ABCA9: variants seen among roughly 807,000 people sequenced by gnomAD.
ABCA9 encodes the protein ATP-binding cassette sub-family A member 9.
Under a neutral mutation model 205.3 loss-of-function variants are expected in ABCA9, and 183 were observed. The observed-to-expected ratio is 0.89, with a 90% confidence interval of 0.79 to 1.01. The LOEUF is 1.01. Ranked by LOEUF, ABCA9 falls within the 50% of genes least tolerant of loss-of-function variation. The pLI is 0.00. For missense variants in ABCA9, 1,805 were observed against 1,912.4 expected, an observed-to-expected ratio of 0.94 and a Z score of 1.05; for synonymous variants, 651 against 683.3, an observed-to-expected ratio of 0.95 and a Z score of 0.74.
intron 3 of ABCA9, 125 bp downstream of exon 3, chr17:69,049,158 A>T: frequency 1.9e-6 from 2 of 1,075,256 alleles, no homozygotes; most frequent in Non-Finnish European, 2.6e-6. Flanking sequence ...TGGAAGGAAT[A>T]TACGTTAATG....
chr17:69,020,629 A>G (rs767853933), intron 18 of ABCA9, 43 bp from the exon 19 acceptor site: 1 of 1,572,408 alleles, frequency 6.4e-7, no homozygotes, highest in South Asian at 1.1e-5. Context: ...CATTTTAGTT[A>G]TGCATTATTT....
intron 25 of ABCA9, among the ~76,000 whole-genome samples, chr17:69,003,339 C>T (rs2069964174): frequency 6.6e-6 from 1 of 150,608 alleles, no homozygotes; most frequent in African/African-American, 2.5e-5. Context: ...TCAGCATTTG[C>T]TTGTCTGTAA....
At chr17:69,018,323 GTTTA>G (rs2070701082) in intron 20 of ABCA9, 86 bp downstream of exon 20, 1 of 1,201,310 alleles carries the variant, frequency 8.3e-7, no homozygotes, top group Non-Finnish European at 1.1e-6. Context: ...AACATACAGA[GTTTA>G]TTTTTTTCTT....
chr17:69,040,995 T>C (rs2071517488), intron 6 of ABCA9, among the ~76,000 whole-genome samples: 2 of 152,208 alleles, frequency 1.3e-5, no homozygotes, highest in South Asian at 2.1e-4. Flanking sequence ...TGTAACTATA[T>C]AATCCTGAGA....
chr17:69,016,123 T>TATATACAC (rs1270372994), intron 22 of ABCA9, 130 bp downstream of exon 22: 60 of 106,916 alleles, frequency 5.6e-4, no homozygotes, highest in African/African-American at 1.2e-3. Context: ...TATATATATA[T>TATATACAC]ACACACACAC....
intron 5 of ABCA9, 100 bp from the exon 6 acceptor site, chr17:69,043,815 T>C: frequency 4.8e-6 from 5 of 1,033,730 alleles, no homozygotes; most frequent in Non-Finnish European, 7.0e-6. Context: ...TCTACATTTA[T>C]GTATTTTATG....
At chr17:69,071,270 T>G in the ABCA9 span, among the ~76,000 whole-genome samples, 1 of 152,118 alleles carries the variant, frequency 6.6e-6, no homozygotes, top group Non-Finnish European at 1.5e-5. Context: ...CTCAAGTGAG[T>G]CCCTGACCCC....
the ABCA9 span, among the ~76,000 whole-genome samples, chr17:69,072,158 T>C: frequency 9.2e-5 from 14 of 152,106 alleles, no homozygotes; most frequent in Admixed American, 1.3e-4. Context: ...TGGAACCAAG[T>C]TGGGAAACAC....
intron 23 of ABCA9, among the ~76,000 whole-genome samples, chr17:69,009,428 TG>T (rs2070288401): frequency 6.6e-6 from 1 of 152,110 alleles, no homozygotes; most frequent in Non-Finnish European, 1.5e-5. Context: ...GCTGATGTTC[TG>T]GGAAGCTAGA....
intron 25 of ABCA9, among the ~76,000 whole-genome samples, chr17:68,997,896 A>G (rs1017377172): frequency 6.6e-6 from 1 of 152,176 alleles, no homozygotes. Context: ...ATCCACCATT[A>G]TAGTATCATA....
At chr17:69,078,310 C>T in the ABCA9 span, among the ~76,000 whole-genome samples, 2 of 151,362 alleles carry the variant, frequency 1.3e-5, no homozygotes, top group African/African-American at 4.8e-5. Flanking sequence ...AAGCAATTCT[C>T]CTCCCTCAGC....
chr17:69,008,053 G>A lies in ABCA9; in HGVS notation c.3321+9C>T. 1 of 1,594,560 alleles carries A rather than the reference G, an allele frequency of 6.3e-7. No individual in the cohort carries two copies. The highest frequency in any genetic ancestry group is 8.6e-7 in the Non-Finnish European group (1 of 1,167,840). ...CTAATAAAACCATTTCAAAATTGCTGCCACTTACTTGAATTAACAGGTTTT... is the reference window on the plus strand; with the variant it reads ...CTAATAAAACCATTTCAAAATTGCTACCACTTACTTGAATTAACAGGTTTT... On this transcript the variant is annotated intron_variant, in intron 24 of 38. Transcript: ENST00000340001.
At chr17:69,069,933 CA>C in the ABCA9 span, among the ~76,000 whole-genome samples, 1 of 152,008 alleles carries the variant, frequency 6.6e-6, no homozygotes, top group Non-Finnish European at 1.5e-5. Flanking sequence ...TATAGTTTAT[CA>C]AAAACACAAG....
intron 31 of ABCA9, among the ~76,000 whole-genome samples, chr17:68,988,388 T>A (rs2069320948): frequency 6.6e-6 from 1 of 152,206 alleles, no homozygotes; most frequent in Non-Finnish European, 1.5e-5. Context: ...AAATCCTGGA[T>A]CTTTTACCAT....
Position 69,012,095 on chromosome 17 carries a change from T to C in ABCA9, c.3040-12A>G, listed in dbSNP as rs566001154. ...TAATCCATATGCTCCTGAAATCATG[T>C]GGAACATGGTGAGCTGATGGCGATT... is the stretch of plus-strand genomic sequence containing the variant. On this transcript the variant is annotated splice_polypyrimidine_tract_variant and intron_variant, in intron 22 of 38. Coordinates refer to ENST00000340001, the MANE Select transcript of ABCA9 (RefSeq NM_080283.4). 7 of 1,578,022 alleles carry C rather than the reference T, an allele frequency of 4.4e-6. No individual in the cohort carries two copies. The highest frequency in any genetic ancestry group is 2.3e-5 in the South Asian group (2 of 88,208).
chr17:69,001,008 A>G (rs1394761108), intron 25 of ABCA9, among the ~76,000 whole-genome samples: 1 of 152,092 alleles, frequency 6.6e-6, no homozygotes, highest in African/African-American at 2.4e-5. Context: ...TATCAGCTTA[A>G]GGAGATTTTG....
At chr17:69,073,541 C>A in the ABCA9 span, among the ~76,000 whole-genome samples, 3 of 152,182 alleles carry the variant, frequency 2.0e-5, no homozygotes, top group Non-Finnish European at 1.5e-5. Flanking sequence ...TAAATAAGTT[C>A]TTTGAAACCA....
At chr17:68,997,766 T>C (rs1567926269) in intron 25 of ABCA9, among the ~76,000 whole-genome samples, 1 of 152,156 alleles carries the variant, frequency 6.6e-6, no homozygotes, top group Non-Finnish European at 1.5e-5. Flanking sequence ...AAGCAGTACA[T>C]TTGTTAGAAT....
chr17:68,982,841 C>CA (rs758175334), intron 36 of ABCA9, among the ~76,000 whole-genome samples, 200 bp from the exon 37 acceptor site: 1 of 151,964 alleles, frequency 6.6e-6, no homozygotes, highest in African/African-American at 2.4e-5. Context: ...CCCATCTCCA[C>CA]AAAAAAACTT....
Sources: allele counts gnomAD v4.1 joint callset (sites outside exome capture counted in the v4.1 genomes callset), GRCh38; gene constraint gnomAD v4.1.1; transcripts MANE v1.5; gene names NCBI Gene and HGNC (gene_info 2026-07-23, HGNC 2026-07-21).